The following SGPL1 variants were observed in gnomAD, a reference collection of about 807,000 sequenced individuals.
SGPL1 encodes the protein SP-lyase 1.
A neutral mutation model predicts 68.9 loss-of-function variants in SGPL1; 37 were observed. The ratio of observed to expected loss-of-function variants is 0.54; its 90% CI spans 0.41 to 0.71. The LOEUF is 0.71. Among genes scored for constraint, SGPL1 ranks in the 30% least tolerant of loss-of-function variants. The pLI, the probability that SGPL1 is intolerant of heterozygous loss-of-function variation, is 0.00. For synonymous variants in SGPL1, 236 were observed against 248.5 expected (o/e 0.95, Z 0.47); for missense variants, 551 against 704.6 (o/e 0.78, Z 2.47).
At chr10:70,835,605 G>A (rs1467497414) in intron 2 of SGPL1, among the ~76,000 whole-genome samples, 11 of 152,028 alleles carry the variant, frequency 7.2e-5, no homozygotes, top group African/African-American at 1.9e-4. Flanking sequence ...GAGTGGTGGC[G>A]GGTGCCTGTA....
At chr10:70,869,268 AT>A (rs1846247508) in intron 8 of SGPL1, 1 of 152,308 alleles carries the variant, frequency 6.6e-6, no homozygotes, top group African/African-American at 2.4e-5. Flanking sequence ...TTGAAATACT[AT>A]TTCCAAATGT....
At chr10:70,820,817 A>C (rs1279934374) in intron 2 of SGPL1, among the ~76,000 whole-genome samples, 2 of 152,178 alleles carry the variant, frequency 1.3e-5, no homozygotes, top group Non-Finnish European at 2.9e-5. Context: ...CGTCGCATTT[A>C]ATGAATTATA....
intron 4 of SGPL1, among the ~76,000 whole-genome samples, chr10:70,852,647 C>G (rs1044468376): frequency 1.3e-5 from 2 of 152,168 alleles, no homozygotes; most frequent in Admixed American, 6.5e-5. Flanking sequence ...ACTATCCAAT[C>G]ACTCTCCATT....
intron 5 of SGPL1, among the ~76,000 whole-genome samples, chr10:70,855,424 C>T (rs892467475): frequency 6.6e-6 from 1 of 152,214 alleles, no homozygotes; most frequent in Non-Finnish European, 1.5e-5. Flanking sequence ...TGCTTAAGAG[C>T]GTAACCCTGG....
intron 2 of SGPL1, among the ~76,000 whole-genome samples, chr10:70,832,752 G>A (rs113256845): frequency 6.6e-6 from 1 of 152,194 alleles, no homozygotes; most frequent in Non-Finnish European, 1.5e-5. Flanking sequence ...AACATTCCAT[G>A]TGCAAATTTG....
intron 14 of SGPL1, among the ~76,000 whole-genome samples, chr10:70,876,978 AG>A (rs1846400949): frequency 1.3e-5 from 2 of 152,246 alleles, no homozygotes; most frequent in African/African-American, 4.8e-5. Flanking sequence ...TTCTTAGGCT[AG>A]TCCCTTTATG....
chr10:70,875,629 G>A, intron 13 of SGPL1, 81 bp downstream of exon 13: 1 of 1,105,286 alleles, frequency 9.0e-7, no homozygotes, highest in Non-Finnish European at 1.3e-6. Context: ...CTGAAGTATA[G>A]AGTTTGACTG....
At chr10:70,867,311 C>G (rs1054320133) in intron 7 of SGPL1, among the ~76,000 whole-genome samples, 1 of 152,208 alleles carries the variant, frequency 6.6e-6, no homozygotes, top group African/African-American at 2.4e-5. Flanking sequence ...ACCTGTAATC[C>G]CAGCTCTTTG....
At chr10:70,851,600 C>T (rs552710794) in intron 4 of SGPL1, among the ~76,000 whole-genome samples, 1 of 152,258 alleles carries the variant, frequency 6.6e-6, no homozygotes, top group East Asian at 1.9e-4. Flanking sequence ...TTTGAGAAAA[C>T]CTGACTGTAT....
At chr10:70,827,105 AC>A (rs1845451003) in intron 2 of SGPL1, among the ~76,000 whole-genome samples, 1 of 152,240 alleles carries the variant, frequency 6.6e-6, no homozygotes. Flanking sequence ...ATATTGCTAA[AC>A]TTTTCTGAAG....
At chr10:70,832,225 A>C (rs1845552758) in intron 2 of SGPL1, among the ~76,000 whole-genome samples, 1 of 152,194 alleles carries the variant, frequency 6.6e-6, no homozygotes, top group Non-Finnish European at 1.5e-5. Flanking sequence ...TCGAAGATGC[A>C]CTTTCCAAAG....
At chr10:70,846,277 T>C (rs1564623340) in intron 3 of SGPL1, among the ~76,000 whole-genome samples, 1 of 152,214 alleles carries the variant, frequency 6.6e-6, no homozygotes, top group Non-Finnish European at 1.5e-5. Flanking sequence ...CCTTCTGCTC[T>C]TGCTTATTCC....
chr10:70,850,837 G>T (rs758102965), intron 3 of SGPL1, among the ~76,000 whole-genome samples: 1 of 144,216 alleles, frequency 6.9e-6, no homozygotes, highest in Non-Finnish European at 1.5e-5. Context: ...TAGCTTTACT[G>T]TTGCACGTGT....
At chr10:70,871,216 C>A in intron 10 of SGPL1, 70 bp downstream of exon 10, 1 of 1,053,856 alleles carries the variant, frequency 9.5e-7, no homozygotes, top group Non-Finnish European at 1.4e-6. Context: ...TGGGGCAGTA[C>A]TTGGCAAATA....
intron 8 of SGPL1, 83 bp from the exon 9 acceptor site, chr10:70,869,705 TACTC>T: frequency 3.1e-6 from 3 of 963,416 alleles, no homozygotes; most frequent in Non-Finnish European, 4.7e-6. Flanking sequence ...AATCAGAACT[TACTC>T]CCGGTAATTT....
chr10:70,869,722 A>G, intron 8 of SGPL1, 70 bp from the exon 9 acceptor site: 1 of 1,138,802 alleles, frequency 8.8e-7, no homozygotes, highest in Non-Finnish European at 1.3e-6. Context: ...GGTAATTTAG[A>G]TTAGCTGCTA....
chr10:70,858,096 A>C, intron 6 of SGPL1, among the ~76,000 whole-genome samples: 1 of 152,092 alleles, frequency 6.6e-6, no homozygotes, highest in East Asian at 1.9e-4. Context: ...AATAATTCTC[A>C]TTCTTAGCTT....
chr10:70,869,710 C>G, intron 8 of SGPL1, 82 bp from the exon 9 acceptor site: 1 of 995,064 alleles, frequency 1.0e-6, no homozygotes, highest in Admixed American at 2.3e-5. Flanking sequence ...GAACTTACTC[C>G]CGGTAATTTA....
intron 3 of SGPL1, among the ~76,000 whole-genome samples, chr10:70,850,679 C>T (rs1363815648): frequency 6.6e-6 from 1 of 152,064 alleles, no homozygotes; most frequent in African/African-American, 2.4e-5. Context: ...AATTTTGGCA[C>T]ATCCATAAAA....
Sources: gnomAD v4.1 joint callset for allele counts (sites outside exome capture counted in the v4.1 genomes callset) on GRCh38, gnomAD v4.1.1 for gene constraint, MANE v1.5 for transcripts, NCBI Gene and HGNC (gene_info 2026-07-23, HGNC 2026-07-21) for gene names.